DPP6: variants seen among roughly 807,000 people sequenced by gnomAD.
DPP6 encodes the protein dipeptidyl peptidase like 6.
A neutral mutation model predicts 122.6 loss-of-function variants in DPP6; 69 were observed. That is an observed-to-expected ratio of 0.56 (90% CI 0.46 to 0.69). DPP6 has a LOEUF of 0.69. DPP6 is among the 30% of genes least tolerant of loss of function. The pLI is 0.00. For synonymous variants in DPP6, 418 were observed against 433.1 expected, an observed-to-expected ratio of 0.97 and a Z score of 0.43; for missense variants, 928 against 1,116.9, an observed-to-expected ratio of 0.83 and a Z score of 2.41.
intron 10 of DPP6, among the ~76,000 whole-genome samples, chr7:154,784,893 A>G (rs10268440): frequency 0.85 from 129,011 of 152,236 alleles, 55,015 homozygotes; most frequent in African/African-American, 0.94. Context: ...TAAATATCCT[A>G]CTGCTTCTGT....
chr7:153,834,858 G>A, the DPP6 span, among the ~76,000 whole-genome samples: 9 of 152,092 alleles, frequency 5.9e-5, no homozygotes, highest in Admixed American at 1.3e-4. Flanking sequence ...ATGATTATTC[G>A]GGTAAATATA....
chr7:154,889,280 G>A lies in DPP6; in HGVS notation c.2313G>A (p.Lys771=). 1 of 1,612,750 alleles carries A rather than the reference G, an allele frequency of 6.2e-7. No individual in the cohort carries two copies. Among genetic ancestry groups the A allele is most frequent in the Non-Finnish European group, 8.5e-7 (1 of 1,179,598 alleles). Residue 771 remains lysine, a synonymous_variant, in exon 24 of 26, where the codon AAG becomes AAA. Coordinates refer to ENST00000377770, the MANE Select transcript of DPP6 (RefSeq NM_130797.4). ...GLDNRAYEMT[K]VAHRVSALEE... is the part of the protein sequence containing the mutation. ...TGCCCCCGCATGTGCAGATGACCAAGGTAGCCCATCGAGTCTCCGCGCTGG... is the reference window on the plus strand; with the variant it reads ...TGCCCCCGCATGTGCAGATGACCAAAGTAGCCCATCGAGTCTCCGCGCTGG...
chr7:154,534,820 C>G (rs1586564162), intron 3 of DPP6, among the ~76,000 whole-genome samples: 1 of 152,060 alleles, frequency 6.6e-6, no homozygotes, highest in East Asian at 1.9e-4. Flanking sequence ...AATGTAATAC[C>G]AATCCTAGTC....
At chr7:154,023,317 T>C (rs1174221791) in intron 1 of DPP6, among the ~76,000 whole-genome samples, 2 of 40,964 alleles carry the variant, frequency 4.9e-5, no homozygotes, top group Admixed American at 3.1e-4. Flanking sequence ...GTTTCTTGTC[T>C]GCACACACAC....
At chr7:154,806,461 G>A (rs544057995) in intron 15 of DPP6, among the ~76,000 whole-genome samples, 3 of 152,126 alleles carry the variant, frequency 2.0e-5, no homozygotes, top group Non-Finnish European at 4.4e-5. Flanking sequence ...TGGGAAGCGC[G>A]AGCTCTCGAG....
intron 1 of DPP6, among the ~76,000 whole-genome samples, chr7:154,354,544 C>T (rs1012799898): frequency 3.3e-5 from 5 of 152,138 alleles, no homozygotes; most frequent in South Asian, 2.1e-4. Context: ...ATTATGATTT[C>T]GCTGGGTGTC....
At chr7:154,870,377 G>A (rs985790599) in intron 18 of DPP6, among the ~76,000 whole-genome samples, 3 of 152,118 alleles carry the variant, frequency 2.0e-5, no homozygotes, top group African/African-American at 7.2e-5. Context: ...AGCTGAGGAG[G>A]GCAGATCACT....
the DPP6 span, among the ~76,000 whole-genome samples, chr7:153,871,208 G>T: frequency 5.9e-5 from 9 of 152,214 alleles, no homozygotes; most frequent in Non-Finnish European, 1.0e-4. Flanking sequence ...GTCTGCAGAG[G>T]TTACTGTTGC....
intron 2 of DPP6, among the ~76,000 whole-genome samples, chr7:154,464,286 C>T (rs1453931820): frequency 6.6e-6 from 1 of 152,144 alleles, no homozygotes; most frequent in Non-Finnish European, 1.5e-5. Context: ...TTCTCCCTGC[C>T]CCAAGCAAGC....
At chr7:153,942,144 A>C (rs999221351) in intron 1 of DPP6, among the ~76,000 whole-genome samples, 2 of 152,246 alleles carry the variant, frequency 1.3e-5, no homozygotes, top group Admixed American at 6.5e-5. Flanking sequence ...TGTTTCGATT[A>C]AAAAGAGGAA....
At chr7:154,399,399 A>G (rs1354136391) in intron 1 of DPP6, among the ~76,000 whole-genome samples, 1 of 152,206 alleles carries the variant, frequency 6.6e-6, no homozygotes, top group Non-Finnish European at 1.5e-5. Context: ...TGGATAACTC[A>G]TGCAATTTTT....
rs114746156 is a variant in DPP6, at chr7:154,187,753, C to T, written c.243+134690C>T. ...CTCCTCCCTAAGCTTCAGTTTTTCTCACCTGTAAAATTGGGGAAGAGGGTG... is the reference window on the plus strand; with the variant it reads ...CTCCTCCCTAAGCTTCAGTTTTTCTTACCTGTAAAATTGGGGAAGAGGGTG... On this transcript the variant is annotated intron_variant, in intron 1 of 25. Transcript: ENST00000377770. Among the ~76,000 whole-genome samples, 383 of 152,194 alleles carry T rather than the reference C, an allele frequency of 2.5e-3. 2 individuals carry two copies. The highest frequency in any genetic ancestry group is 8.7e-3 in the African/African-American group (361 of 41,522).
intron 1 of DPP6, among the ~76,000 whole-genome samples, chr7:153,912,625 G>C (rs890340258): frequency 4.6e-5 from 7 of 152,192 alleles, no homozygotes; most frequent in Non-Finnish European, 1.0e-4. Context: ...GGGTGAACTT[G>C]AAAGAGGAAA....
intron 1 of DPP6, among the ~76,000 whole-genome samples, chr7:154,108,462 C>A (rs916437476): frequency 1.3e-5 from 2 of 152,134 alleles, no homozygotes; most frequent in East Asian, 3.8e-4. Flanking sequence ...GTGACTTTAT[C>A]CTGGAGAACA....
At chr7:154,090,196 C>A (rs2150547587) in intron 1 of DPP6, among the ~76,000 whole-genome samples, 1 of 152,142 alleles carries the variant, frequency 6.6e-6, no homozygotes, top group East Asian at 2.0e-4. Context: ...AAGTAGCCTT[C>A]ATCTTTCCCA....
chr7:154,727,862 T>G lies in DPP6; in HGVS notation c.858T>G (p.Asn286Lys). The change falls in exon 8 of 26, where the codon AAT becomes AAG. Residue 286 changes from asparagine (N) to lysine (K), a missense_variant. By Grantham distance (94) the Asn-to-Lys change is moderately conservative (BLOSUM62 0). Transcript: ENST00000377770. ...VSTGKEGVIY[N>K]GLSDWLYEEE... ...CTGGCAAGGAAGGTGTGATTTACAA[T>G]GGCCTCAGTGACTGGCTGTATGAAG... 6.2e-7 allele frequency: 1 copy of G among 1,613,470 alleles called. No homozygotes were observed. The highest frequency in any genetic ancestry group is 8.5e-7 in the Non-Finnish European group (1 of 1,179,636).
At chr7:154,240,262 C>T (rs1801501304) in intron 1 of DPP6, among the ~76,000 whole-genome samples, 1 of 152,062 alleles carries the variant, frequency 6.6e-6, no homozygotes, top group African/African-American at 2.4e-5. Context: ...TTTTAAGATA[C>T]TGCCAGCGTA....
intron 3 of DPP6, among the ~76,000 whole-genome samples, chr7:154,523,716 T>C (rs2130005029): frequency 6.6e-6 from 1 of 152,328 alleles, no homozygotes; most frequent in South Asian, 2.1e-4. Context: ...CCAGTTGTAT[T>C]GTAGGCCCTC....
intron 8 of DPP6, among the ~76,000 whole-genome samples, chr7:154,740,396 A>C (rs1310759673): frequency 1.3e-5 from 2 of 152,112 alleles, no homozygotes; most frequent in Non-Finnish European, 2.9e-5. Context: ...CAAATGCCAG[A>C]AGGAAGATAG....
Sources: allele counts gnomAD v4.1 joint callset (sites outside exome capture counted in the v4.1 genomes callset), GRCh38; gene constraint gnomAD v4.1.1; transcripts MANE v1.5; gene names NCBI Gene and HGNC (gene_info 2026-07-23, HGNC 2026-07-21).